The following EXOC6 variants were observed in gnomAD, a reference collection of about 807,000 sequenced individuals.
EXOC6 encodes the protein SEC15-like 1.
In EXOC6, 60 loss-of-function variants were observed where a neutral mutation model predicts 112.5. The ratio of observed to expected loss-of-function variants is 0.53; its 90% CI spans 0.43 to 0.66. The LOEUF (loss-of-function observed/expected upper bound fraction) is 0.66. Ranked by LOEUF, EXOC6 falls within the 30% of genes least tolerant of loss-of-function variation. The pLI, the probability that EXOC6 is intolerant of heterozygous loss-of-function variation, is 0.00. For synonymous variants in EXOC6, 295 were observed against 308.0 expected (o/e 0.96, Z 0.44); for missense variants, 855 against 957.1 (o/e 0.89, Z 1.41).
intron 9 of EXOC6, among the ~76,000 whole-genome samples, chr10:92,931,706 G>A (rs67759966): frequency 0.28 from 42,415 of 151,376 alleles, 6,180 homozygotes; most frequent in Middle Eastern, 0.37. Context: ...TAATTTTTTC[G>A]TCAGGGAAAT....
chr10:93,035,573 G>A (rs959485691), intron 20 of EXOC6, among the ~76,000 whole-genome samples: 1 of 152,186 alleles, frequency 6.6e-6, no homozygotes, highest in Non-Finnish European at 1.5e-5. Flanking sequence ...AGGAAATTGG[G>A]GCCTGTCGTG....
At chr10:92,977,785 A>G (rs1842687423) in intron 18 of EXOC6, among the ~76,000 whole-genome samples, 1 of 152,152 alleles carries the variant, frequency 6.6e-6, no homozygotes, top group Non-Finnish European at 1.5e-5. Context: ...GAATAGGATT[A>G]AGAGAGATTA....
intron 12 of EXOC6, among the ~76,000 whole-genome samples, chr10:92,940,234 T>C (rs556025250): frequency 1.3e-5 from 2 of 152,226 alleles, no homozygotes; most frequent in African/African-American, 2.4e-5. Context: ...TTCAATGAGT[T>C]TGGAGTCGGA....
chr10:92,858,025 C>CG (rs1847701450), intron 1 of EXOC6, among the ~76,000 whole-genome samples: 1 of 133,714 alleles, frequency 7.5e-6, no homozygotes, highest in Non-Finnish European at 1.6e-5. Context: ...GACGGGTTCC[C>CG]CCCCTCCGCC....
chr10:92,834,610 C>A, upstream of EXOC6: 1 of 694,694 alleles, frequency 1.4e-6, no homozygotes, highest in Non-Finnish European at 2.3e-6. Flanking sequence ...GTTTTTGTTG[C>A]TCCTTTGGGT....
chr10:92,871,498 C>CAAAAAA (rs75179832), intron 1 of EXOC6, among the ~76,000 whole-genome samples: 1 of 67,134 alleles, frequency 1.5e-5, no homozygotes. Flanking sequence ...GACCCTGTCT[C>CAAAAAA]AAAAAAAAAA....
At chr10:93,005,680 T>C (rs781102826) in intron 19 of EXOC6, among the ~76,000 whole-genome samples, 4 of 152,166 alleles carry the variant, frequency 2.6e-5, no homozygotes, top group Non-Finnish European at 5.9e-5. Context: ...TTTAAATTCA[T>C]TCTGCCCAAA....
intron 1 of EXOC6, among the ~76,000 whole-genome samples, chr10:92,889,917 AT>A (rs1309806068): frequency 9.2e-5 from 14 of 151,906 alleles, no homozygotes; most frequent in African/African-American, 3.1e-4. Context: ...GCCTGGCTGA[AT>A]TTTGTCCTTT....
chr10:93,002,474 A>G (rs757585592), intron 19 of EXOC6, among the ~76,000 whole-genome samples: 26 of 151,934 alleles, frequency 1.7e-4, no homozygotes, highest in Admixed American at 1.6e-3. Context: ...TAGAAATGCA[A>G]ATCTTGGGCC....
At chr10:92,941,153 T>G (rs1852647281) in intron 13 of EXOC6, among the ~76,000 whole-genome samples, 1 of 152,200 alleles carries the variant, frequency 6.6e-6, no homozygotes, top group African/African-American at 2.4e-5. Flanking sequence ...CTGCTCTAGG[T>G]ACCTCATGTA....
intron 1 of EXOC6, among the ~76,000 whole-genome samples, chr10:92,849,114 G>A (rs1057292671): frequency 5.9e-5 from 9 of 152,124 alleles, no homozygotes; most frequent in Admixed American, 1.3e-4. Flanking sequence ...GGGCTGCCGC[G>A]GGCGTGGGAG....
chr10:92,897,924 G>A (rs149105429), intron 4 of EXOC6, among the ~76,000 whole-genome samples: 6 of 152,196 alleles, frequency 3.9e-5, no homozygotes, highest in Admixed American at 2.6e-4. Flanking sequence ...TACGCCTGAC[G>A]ACTTGGGCAC....
At chr10:92,896,049 A>G (rs201184144) in intron 4 of EXOC6, among the ~76,000 whole-genome samples, 7 of 58,230 alleles carry the variant, frequency 1.2e-4, no homozygotes, top group East Asian at 3.0e-3. Context: ...ATATATGTGT[A>G]TATATATGTG....
intron 20 of EXOC6, among the ~76,000 whole-genome samples, chr10:93,017,069 G>T (rs1049294861): frequency 6.6e-6 from 1 of 151,980 alleles, no homozygotes; most frequent in African/African-American, 2.4e-5. Flanking sequence ...ACTTGCCTTG[G>T]CCTCCCAAAG....
chr10:92,856,894 C>G (rs1847627356), intron 1 of EXOC6, among the ~76,000 whole-genome samples: 1 of 152,114 alleles, frequency 6.6e-6, no homozygotes, highest in South Asian at 2.1e-4. Flanking sequence ...TATTTCTAGA[C>G]TTGTTTTAAA....
rs1484656562 is a variant in EXOC6 at position 92,896,123 on chromosome 10, G to GTATATA, written c.412+1104_412+1105insATATAT. Among the ~76,000 whole-genome samples the GTATATA allele has an allele frequency of 9.5e-4, 33 of 34,714 alleles. 4 individuals are homozygous for GTATATA. In the East Asian group the frequency reaches 0.037, roughly 39 times the overall value. 22.8% of individuals were successfully genotyped at this position (34,714 alleles called of 152,430 possible). The stretch of plus-strand genomic sequence containing the variant: ...TGTATATATATGTGTATATATATGT[G>GTATATA]TGTGTGTGTGTGTGTATGTATGTGT... On this transcript the variant is annotated intron_variant, in intron 4 of 21. Transcript: ENST00000260762.
At chr10:93,031,889 A>G (rs1423230592) in intron 20 of EXOC6, among the ~76,000 whole-genome samples, 1 of 152,204 alleles carries the variant, frequency 6.6e-6, no homozygotes, top group Non-Finnish European at 1.5e-5. Flanking sequence ...AGACAAATGC[A>G]CATATCATGA....
intron 7 of EXOC6, among the ~76,000 whole-genome samples, chr10:92,918,926 C>G (rs778402174): frequency 1.1e-4 from 16 of 152,332 alleles, no homozygotes; most frequent in Admixed American, 4.6e-4. Context: ...AAATGAACAG[C>G]TTCAAACAGT....
intron 18 of EXOC6, among the ~76,000 whole-genome samples, chr10:92,985,445 C>T (rs1329498191): frequency 6.6e-6 from 1 of 152,112 alleles, no homozygotes; most frequent in Non-Finnish European, 1.5e-5. Context: ...TTCCCACATA[C>T]ACCTTCATTT....
Sources: gnomAD v4.1 joint callset for allele counts (sites outside exome capture counted in the v4.1 genomes callset) on GRCh38, gnomAD v4.1.1 for gene constraint, MANE v1.5 for transcripts, NCBI Gene and HGNC (gene_info 2026-07-23, HGNC 2026-07-21) for gene names.